The following ZNF568 variants were observed in gnomAD, a reference collection of about 807,000 sequenced individuals.
The protein encoded by ZNF568 is p53 inhibitor of SCO2 activation.
Under a neutral mutation model 18.1 loss-of-function variants are expected in ZNF568, and 11 were observed. That is an observed-to-expected ratio of 0.61 (90% CI 0.38 to 1.00). The LOEUF (loss-of-function observed/expected upper bound fraction) is 1.00. Ranked by LOEUF, ZNF568 falls within the 50% of genes least tolerant of loss-of-function variation. The pLI is 0.01. For synonymous variants in ZNF568, 213 were observed against 246.6 expected, an observed-to-expected ratio of 0.86 and a Z score of 1.28; for missense variants, 639 against 768.2, an observed-to-expected ratio of 0.83 and a Z score of 1.99.
chr19:36,920,619 T>TTA (rs374967605), intron 2 of ZNF568, among the ~76,000 whole-genome samples: 1 of 139,724 alleles, frequency 7.2e-6, no homozygotes, highest in Non-Finnish European at 1.5e-5. Flanking sequence ...AGACTCCATC[T>TTA]AAAAAAAAAA....
At chr19:36,952,815 A>T, downstream of ZNF568, 3 of 387,116 alleles carry the variant, frequency 7.7e-6, no homozygotes, top group Non-Finnish European at 1.1e-5. Context: ...CCATAGAAGG[A>T]AATGTTATAA....
chr19:36,967,129 A>G (rs2074200657), intron 6 of ZNF568, among the ~76,000 whole-genome samples: 1 of 152,024 alleles, frequency 6.6e-6, no homozygotes, highest in Non-Finnish European at 1.5e-5. Context: ...TTTGAAACTC[A>G]CCCTTGGGAA....
In ZNF568 at chr19:36,919,191, G is replaced by A. The variant is rs1281447126; in HGVS notation, c.-186+1543G>A. ...TGATTGTCATAGTGTTTTCGATAAT[G>A]ACTGAACCATTTTATCAGCATATTT... On this transcript the variant is annotated intron_variant, in intron 2 of 6. Coordinates refer to ENST00000333987, the MANE Select transcript of ZNF568 (RefSeq NM_198539.4). Among the ~76,000 whole-genome samples, 5 of 152,090 alleles carry A rather than the reference G, an allele frequency of 3.3e-5. No individual in the cohort carries two copies. The South Asian group carries it at 6.2e-4, about 19-fold the overall frequency.
downstream of ZNF568, chr19:36,980,372 G>A (rs1390738673): frequency 6.6e-6 from 1 of 152,130 alleles, no homozygotes; most frequent in African/African-American, 2.4e-5. Flanking sequence ...ATTGTAGGGT[G>A]TGGTATTTCC....
At chr19:36,978,801 A>G (rs939763762) in intron 7 of ZNF568, among the ~76,000 whole-genome samples, 1 of 152,050 alleles carries the variant, frequency 6.6e-6, no homozygotes, top group Non-Finnish European at 1.5e-5. Flanking sequence ...TGCACAGTCT[A>G]TCTCATGCGT....
At chr19:36,945,528 T>C (rs902447892) in intron 6 of ZNF568, among the ~76,000 whole-genome samples, 1 of 152,158 alleles carries the variant, frequency 6.6e-6, no homozygotes, top group Admixed American at 6.5e-5. Context: ...ATATAATACA[T>C]ATACAAAATA....
intron 4 of ZNF568, among the ~76,000 whole-genome samples, chr19:36,930,294 C>T (rs1273042846): frequency 3.3e-5 from 5 of 151,524 alleles, no homozygotes; most frequent in Non-Finnish European, 7.4e-5. Context: ...ACTGCAAGCT[C>T]CGCCTCCCAG....
intron 7 of ZNF568, among the ~76,000 whole-genome samples, chr19:36,977,620 A>C (rs2074296610): frequency 1.3e-5 from 2 of 152,128 alleles, no homozygotes; most frequent in Non-Finnish European, 2.9e-5. Flanking sequence ...TAGAGGCCAA[A>C]ACCTTCCTAA....
intron 4 of ZNF568, 109 bp downstream of exon 4, chr19:36,925,367 TGA>T: frequency 1.0e-6 from 1 of 998,180 alleles, no homozygotes; most frequent in Non-Finnish European, 1.5e-6. Context: ...AAAATAAAAG[TGA>T]GAAAAAATAC....
In ZNF568 at chr19:36,946,815, A is replaced by G. The variant is rs1392925140; in HGVS notation, c.359-2697A>G. Among the ~76,000 whole-genome samples, 6 of 147,898 alleles carry G rather than the reference A, an allele frequency of 4.1e-5. No homozygotes were observed. The South Asian group carries it at 1.1e-3, about 27-fold the overall frequency. On this transcript the variant is annotated intron_variant, in intron 6 of 6. Coordinates refer to ENST00000333987, the MANE Select transcript of ZNF568 (RefSeq NM_198539.4). The stretch of plus-strand genomic sequence containing the variant: ...TTATAGGCATGCTCCACCACACCCA[A>G]CTAATTTTGTATTTTTAGTAGAGAT...
At chr19:36,987,905 G>C (rs947517571) in intron 2 of ZNF568, among the ~76,000 whole-genome samples, 1 of 151,204 alleles carries the variant, frequency 6.6e-6, no homozygotes, top group Non-Finnish European at 1.5e-5. Flanking sequence ...GGCCTTTGGG[G>C]ACCTTGAGGT....
chr19:36,995,217 G>A lies in ZNF568; in HGVS notation c.230-1100G>A, dbSNP rs188613507. 2.4e-3 allele frequency among the ~76,000 whole-genome samples: 366 copies of A among 152,106 alleles called. 2 individuals are homozygous for A. The South Asian group carries it at 0.028, about 11-fold the overall frequency. ...GTTTGAGACCAGTCTGGCCAACATG[G>A]CGAAACCCTGTATCTATTAAAAATA... On this transcript the variant is annotated intron_variant, in intron 4 of 4. Coordinates refer to the ZNF568 transcript ENST00000433993.
intron 6 of ZNF568, among the ~76,000 whole-genome samples, chr19:36,964,714 G>C (rs2074181381): frequency 6.6e-6 from 1 of 152,164 alleles, no homozygotes; most frequent in African/African-American, 2.4e-5. Flanking sequence ...TACTTGGGAG[G>C]CTGAGGTGGG....
intron 3 of ZNF568, 52 bp from the exon 4 acceptor site, chr19:36,925,148 A>T (rs1439092861): frequency 2.0e-5 from 31 of 1,556,048 alleles, no homozygotes; most frequent in Non-Finnish European, 1.8e-6. Context: ...AGATTTCTAT[A>T]TTCCTTTGTC....
At chr19:36,965,005 T>C (rs566547226) in intron 6 of ZNF568, among the ~76,000 whole-genome samples, 2 of 152,250 alleles carry the variant, frequency 1.3e-5, no homozygotes, top group South Asian at 4.1e-4. Flanking sequence ...GCAAGTACTA[T>C]AAGAGGGACT....
At chr19:36,996,564 G>A in exon 5 of ZNF568, 1 of 1,536,108 alleles carries the variant, frequency 6.5e-7, no homozygotes. Flanking sequence ...GGAAATGTAA[G>A]AATGCTTTTA....
chr19:36,944,842 C>T lies in ZNF568; in HGVS notation c.359-4670C>T, dbSNP rs370118007. Among the ~76,000 whole-genome samples the T allele has an allele frequency of 2.1e-3, 316 of 152,080 alleles. 1 individual carries two copies. The highest frequency in any genetic ancestry group is 3.5e-3 in the Non-Finnish European group (239 of 67,994). On this transcript the variant is annotated intron_variant, in intron 6 of 6. Transcript: ENST00000333987. ...TACTAATAATAAAAAGACAACTAAA[C>T]GTAATTTAAGATGTCTTTTGAGTTT...
exon 5 of ZNF568, chr19:36,996,897 A>G: frequency 6.5e-7 from 1 of 1,537,394 alleles, no homozygotes. Context: ...AGTGTGGGAA[A>G]GCCTTTCCAT....
chr19:36,981,650 G>A (rs1057037684), downstream of ZNF568, among the ~76,000 whole-genome samples: 1 of 152,038 alleles, frequency 6.6e-6, no homozygotes. Context: ...CGAGGCAGGC[G>A]AATCACTTAA....
Sources: gnomAD v4.1 joint callset for allele counts (sites outside exome capture counted in the v4.1 genomes callset) on GRCh38, gnomAD v4.1.1 for gene constraint, MANE v1.5 for transcripts, NCBI Gene and HGNC (gene_info 2026-07-23, HGNC 2026-07-21) for gene names.